NEDD4: variants seen among roughly 807,000 people sequenced by gnomAD.
The protein encoded by NEDD4 is E3 ubiquitin-protein ligase NEDD4.
In NEDD4, 99 loss-of-function variants were observed where a neutral mutation model predicts 144.9. The observed-to-expected ratio is 0.68, with a 90% CI of 0.58 to 0.81. NEDD4 has a LOEUF of 0.81. Among genes scored for constraint, NEDD4 ranks in the 30% least tolerant of loss-of-function variants. The pLI, the probability that NEDD4 is intolerant of heterozygous loss-of-function variation, is 0.00. For missense variants in NEDD4, 985 were observed against 1,065.9 expected (o/e 0.92, Z 1.06); for synonymous variants, 318 against 350.6 (o/e 0.91, Z 1.04).
At chr15:55,947,753 C>G (rs1265662748) in intron 4 of NEDD4, among the ~76,000 whole-genome samples, 3 of 152,086 alleles carry the variant, frequency 2.0e-5, no homozygotes, top group African/African-American at 7.2e-5. Context: ...ATTCAACAGC[C>G]CTTCATGCTA....
chr15:55,941,067 T>C (rs2036994029), intron 4 of NEDD4, among the ~76,000 whole-genome samples: 1 of 152,164 alleles, frequency 6.6e-6, no homozygotes, highest in African/African-American at 2.4e-5. Context: ...TTTTAAAAAG[T>C]ATCTGTAGGT....
intron 7 of NEDD4, among the ~76,000 whole-genome samples, chr15:55,870,534 T>C (rs74387362): frequency 1.4e-5 from 2 of 146,486 alleles, no homozygotes; most frequent in African/African-American, 2.5e-5. Context: ...TTCTTCTTTT[T>C]TTTTTTTTTT....
At chr15:55,966,414 G>T in intron 2 of NEDD4, 59 bp downstream of exon 2, 1 of 1,077,612 alleles carries the variant, frequency 9.3e-7, no homozygotes, top group Non-Finnish European at 1.3e-6. Flanking sequence ...CCAAAGTTTG[G>T]AAAAAACTAA....
intron 26 of NEDD4, 75 bp downstream of exon 26, chr15:55,833,963 A>T: frequency 1.9e-6 from 2 of 1,030,824 alleles, no homozygotes; most frequent in Non-Finnish European, 2.9e-6. Flanking sequence ...CCACCAGTAT[A>T]GTTAATCAAG....
chr15:55,848,690 A>C (rs1160389566), intron 15 of NEDD4, 115 bp from the exon 16 acceptor site: 8 of 1,260,192 alleles, frequency 6.3e-6, no homozygotes, highest in African/African-American at 4.5e-5. Context: ...CATTCTTAGA[A>C]GGTATCAACA....
chr15:55,914,605 T>A (rs990438041), intron 5 of NEDD4, among the ~76,000 whole-genome samples: 16 of 152,062 alleles, frequency 1.1e-4, no homozygotes, highest in South Asian at 2.1e-4. Flanking sequence ...TAGAGGGCAG[T>A]ATTAACTCGT....
At chr15:55,967,882 T>C (rs1283490476) in intron 1 of NEDD4, among the ~76,000 whole-genome samples, 2 of 152,002 alleles carry the variant, frequency 1.3e-5, no homozygotes, top group Non-Finnish European at 2.9e-5. Flanking sequence ...GCATGATAAC[T>C]TGTGTCTGTA....
intron 5 of NEDD4, among the ~76,000 whole-genome samples, chr15:55,883,458 T>G (rs2142096907): frequency 6.6e-6 from 1 of 152,214 alleles, no homozygotes; most frequent in African/African-American, 2.4e-5. Context: ...CCAAGGTAAC[T>G]TGCTGCCCTG....
At chr15:55,949,108 G>A (rs559766468) in intron 4 of NEDD4, among the ~76,000 whole-genome samples, 2 of 151,954 alleles carry the variant, frequency 1.3e-5, no homozygotes, top group East Asian at 3.9e-4. Flanking sequence ...AAATTTACAA[G>A]AAAAAAACAA....
chr15:55,898,631 C>CT (rs34372143), intron 5 of NEDD4, among the ~76,000 whole-genome samples: 8,049 of 108,194 alleles, frequency 0.074, 364 homozygotes, highest in Admixed American at 0.1. Context: ...ACAAAAAGAA[C>CT]TTTTTTTTTT....
intron 2 of NEDD4, among the ~76,000 whole-genome samples, chr15:55,958,865 C>A (rs1291040084): frequency 6.7e-6 from 1 of 149,272 alleles, no homozygotes; most frequent in Non-Finnish European, 1.5e-5. Flanking sequence ...TATAGCAATG[C>A]CCCAGTTTTC....
chr15:55,936,010 T>TG (rs2036882857), intron 4 of NEDD4, among the ~76,000 whole-genome samples: 1 of 151,996 alleles, frequency 6.6e-6, no homozygotes, highest in African/African-American at 2.4e-5. Context: ...CCTGCTGCAA[T>TG]GACCAACCTT....
intron 11 of NEDD4, among the ~76,000 whole-genome samples, chr15:55,859,437 T>G (rs2034317007): frequency 6.6e-6 from 1 of 152,228 alleles, no homozygotes. Flanking sequence ...CTCATGCCTG[T>G]AATCCCAGCA....
chr15:55,931,490 A>G (rs910821929), intron 4 of NEDD4, among the ~76,000 whole-genome samples: 2 of 152,226 alleles, frequency 1.3e-5, no homozygotes. Context: ...TTATAAGATG[A>G]TATTTTAAGG....
intron 4 of NEDD4, among the ~76,000 whole-genome samples, chr15:55,948,269 G>C (rs1487258381): frequency 3.3e-5 from 5 of 152,102 alleles, no homozygotes; most frequent in Non-Finnish European, 7.4e-5. Context: ...TCTTCAAGGA[G>C]AACTACTCAA....
chr15:55,964,476 A>G, intron 2 of NEDD4, among the ~76,000 whole-genome samples: 1 of 151,792 alleles, frequency 6.6e-6, no homozygotes, highest in East Asian at 1.9e-4. Context: ...TGGAATTTTC[A>G]TTTTTTTATG....
At chr15:55,835,726 A>G (rs568093033) in intron 24 of NEDD4, among the ~76,000 whole-genome samples, 1 of 152,022 alleles carries the variant, frequency 6.6e-6, no homozygotes, top group South Asian at 2.1e-4. Context: ...CTCCCTCACC[A>G]TTCCCTTAAT....
intron 1 of NEDD4, among the ~76,000 whole-genome samples, chr15:55,983,310 G>GCGCA (rs1243562571): frequency 6.0e-5 from 9 of 150,796 alleles, no homozygotes; most frequent in Non-Finnish European, 1.3e-4. Context: ...GCGTGCGCGC[G>GCGCA]CGTGCGTGCA....
intron 5 of NEDD4, among the ~76,000 whole-genome samples, chr15:55,921,109 G>T (rs1233824957): frequency 6.6e-6 from 1 of 152,132 alleles, no homozygotes; most frequent in Non-Finnish European, 1.5e-5. Context: ...TCATGATAAA[G>T]AATTTTCCAA....
Sources: allele counts gnomAD v4.1 joint callset (sites outside exome capture counted in the v4.1 genomes callset), GRCh38; gene constraint gnomAD v4.1.1; transcripts MANE v1.5; gene names NCBI Gene and HGNC (gene_info 2026-07-23, HGNC 2026-07-21).